Variants in SYTL4 observed in about 807,000 individuals in gnomAD.
SYTL4 encodes synaptotagmin-like protein 4.
Under a neutral mutation model 52.7 loss-of-function variants are expected in SYTL4, and 16 were observed. That is an observed-to-expected ratio of 0.30 (90% CI 0.21 to 0.46). SYTL4 has a LOEUF of 0.46. Ranked by LOEUF, SYTL4 falls within the 20% of genes least tolerant of loss-of-function variation. SYTL4 has a pLI of 1.00. For synonymous variants in SYTL4, 160 were observed against 186.6 expected (o/e 0.86, Z 1.16); for missense variants, 423 against 519.9 (o/e 0.81, Z 1.81).
At chrX:100,698,389 C>T (rs1399108476) in intron 8 of SYTL4, among the ~76,000 whole-genome samples, 1 of 112,006 alleles carries the variant, frequency 8.9e-6, no homozygotes, top group Non-Finnish European at 1.9e-5. Context: ...AGGAGTGAGC[C>T]ACTGTGCCCA....
chrX:100,701,602 C>T lies in SYTL4; in HGVS notation c.182G>A (p.Arg61Gln), dbSNP rs1349125465. The change falls in exon 6 of 20, where the codon CGG (arginine) becomes CAG (glutamine). Residue 61 changes from arginine (R) to glutamine (Q), a missense_variant. Transcript: ENST00000372989. ...GCTCTCCTGGCACCGGGCACAGGTC[C>T]GATCACTGTAGTGTTGGCTGCCCCT... The part of the protein sequence containing the change: ...AKRGSQHYSD[R>Q]TCARCQESLG... 1.7e-6 allele frequency: 2 copies of T among 1,211,825 alleles called. No individual in the cohort carries two copies. The highest frequency in any genetic ancestry group is 2.2e-6 in the Non-Finnish European group (2 of 895,538).
At chrX:100,678,294 A>G in intron 19 of SYTL4, 97 bp downstream of exon 19, 1 of 599,611 alleles carries the variant, frequency 1.7e-6, no homozygotes, top group Non-Finnish European at 2.7e-6. Context: ...GACAACTGTC[A>G]TCACAGAGGA....
intron 8 of SYTL4, among the ~76,000 whole-genome samples, chrX:100,699,046 G>A (rs760531149): frequency 9.0e-6 from 1 of 111,267 alleles, no homozygotes; most frequent in African/African-American, 3.3e-5. Context: ...TTAAAATGAC[G>A]GCTAACTCCA....
At chrX:100,717,425 G>A (rs913171269) in intron 2 of SYTL4, among the ~76,000 whole-genome samples, 1 of 112,830 alleles carries the variant, frequency 8.9e-6, no homozygotes, top group African/African-American at 3.2e-5. Flanking sequence ...GGAGAACGAG[G>A]GCTTTCCAGG....
At chrX:100,683,681 G>A (rs919676449) in intron 16 of SYTL4, among the ~76,000 whole-genome samples, 5 of 112,041 alleles carry the variant, frequency 4.5e-5, no homozygotes, top group African/African-American at 6.5e-5. Context: ...AGTTAAAATC[G>A]ATATATAATA....
chrX:100,696,298 C>T (rs923700381), intron 8 of SYTL4, among the ~76,000 whole-genome samples: 8 of 112,075 alleles, frequency 7.1e-5, no homozygotes, highest in African/African-American at 2.6e-4. Context: ...ATTGTACATT[C>T]CCACCAGCAG....
Position 100,701,203 on chromosome X carries a change from C to T in SYTL4, c.436+17G>A. The T allele has an allele frequency of 1.7e-6, 2 of 1,175,551 alleles. No individual in the cohort carries two copies. Among genetic ancestry groups the T allele is most frequent in the Non-Finnish European group, 1.2e-6 (1 of 863,703 alleles). On this transcript the variant is annotated intron_variant, in intron 7 of 19. Coordinates refer to ENST00000372989, the MANE Select transcript of SYTL4 (RefSeq NM_001370165.1). ...TAGGATTCCATACCAAGAACCATCT[C>T]TAGACAGGTCCAGTACCTGCAGGTT...
intron 2 of SYTL4, among the ~76,000 whole-genome samples, chrX:100,715,945 C>CATAA (rs2084195803): frequency 1.9e-5 from 1 of 53,599 alleles, no homozygotes; most frequent in Non-Finnish European, 3.8e-5. Context: ...CTCTCTCTCT[C>CATAA]AAAAAAAAAA....
At chrX:100,713,895 C>T (rs1373453951) in intron 2 of SYTL4, among the ~76,000 whole-genome samples, 1 of 110,027 alleles carries the variant, frequency 9.1e-6, no homozygotes, top group Non-Finnish European at 1.9e-5. Flanking sequence ...ATATAAAATT[C>T]TAGAAAATAC....
chrX:100,678,241 G>A (rs970215027), intron 19 of SYTL4, 150 bp downstream of exon 19: 5 of 461,241 alleles, frequency 1.1e-5, no homozygotes, highest in Non-Finnish European at 1.9e-5. Context: ...CACATAGTAG[G>A]CACTCAATAA....
chrX:100,720,881 C>A (rs868694457), intron 2 of SYTL4, among the ~76,000 whole-genome samples: 11 of 111,213 alleles, frequency 9.9e-5, no homozygotes, highest in Non-Finnish European at 1.7e-4. Flanking sequence ...TATACATGAC[C>A]ATATGTACAT....
intron 13 of SYTL4, chrX:100,688,030 A>G (rs2083507614): frequency 1.1e-5 from 2 of 184,667 alleles, no homozygotes; most frequent in Non-Finnish European, 2.0e-5. Context: ...GGAATGGGCT[A>G]TGATGAAGAA....
chrX:100,701,978 A>G lies in SYTL4; in HGVS notation c.60T>C (p.Ser20=), dbSNP rs1054542770. 1 of 1,210,825 alleles carries G rather than the reference A, an allele frequency of 8.3e-7. No homozygotes were observed. The highest frequency in any genetic ancestry group is 1.1e-6 in the Non-Finnish European group (1 of 895,018). ...GGACCTCTTCATCTCGCTGTAGAAC[A>G]CTGAGAATCAAATCCTTTTCCTCCT... is the stretch of plus-strand genomic sequence containing the variant. ...LSEEEKDLIL[S]VLQRDEEVRK... is the part of the protein sequence containing the mutation. Residue 20 remains serine (S), a synonymous_variant, in exon 5 of 20, where the codon AGT becomes AGC. Transcript: ENST00000372989.
intron 8 of SYTL4, among the ~76,000 whole-genome samples, chrX:100,692,657 G>GA (rs933270218): frequency 1.8e-5 from 2 of 111,050 alleles, no homozygotes; most frequent in Non-Finnish European, 3.8e-5. Flanking sequence ...GGAAAAGGGG[G>GA]AAAAAACATC....
chrX:100,687,943 T>C (rs2083505804), intron 13 of SYTL4: 1 of 122,869 alleles, frequency 8.1e-6, no homozygotes, highest in Non-Finnish European at 1.6e-5. Flanking sequence ...TTATTGCTTG[T>C]TAACCATACC....
chrX:100,723,650 C>T (rs866237203), intron 2 of SYTL4, among the ~76,000 whole-genome samples: 2 of 110,469 alleles, frequency 1.8e-5, no homozygotes, highest in Middle Eastern at 4.7e-3. Context: ...AGCGTCTCTG[C>T]CCGGCCGCCC....
chrX:100,691,891 C>T (rs180958801), intron 8 of SYTL4, among the ~76,000 whole-genome samples: 133 of 111,602 alleles, frequency 1.2e-3, no homozygotes, highest in African/African-American at 4.2e-3. Flanking sequence ...TGGGATTTAG[C>T]TGAAACTCCT....
At chrX:100,703,050 T>C (rs1348919528) in intron 4 of SYTL4, 43 bp downstream of exon 4, 2 of 111,502 alleles carry the variant, frequency 1.8e-5, no homozygotes, top group African/African-American at 6.5e-5. Flanking sequence ...TTAAAAACTT[T>C]TTTAAAATTT....
In SYTL4 at chrX:100,675,122, C is replaced by T. The variant is rs1462152517; in HGVS notation, c.*906G>A. ...CGCAAACACTAAGACAGATGTGGTA[C>T]ATGAGGATGAATATATCTCATCTTT... On this transcript the variant is annotated 3_prime_UTR_variant, in exon 20 of 20. Transcript: ENST00000372989. 1 of 112,264 alleles carries T rather than the reference C, an allele frequency of 8.9e-6. No homozygotes were observed. The highest frequency in any genetic ancestry group is 3.2e-5 in the African/African-American group (1 of 30,770). The allele number at this position is 112,264 out of a possible 1,213,427, so 9.3% of individuals were successfully genotyped here.
Sources: allele counts gnomAD v4.1 joint callset (sites outside exome capture counted in the v4.1 genomes callset), GRCh38; gene constraint gnomAD v4.1.1; transcripts MANE v1.5; gene names NCBI Gene and HGNC (gene_info 2026-07-23, HGNC 2026-07-21).